The following STK31 variants were observed in gnomAD, a reference collection of about 807,000 sequenced individuals.
The protein encoded by STK31 is serine/threonine-protein kinase 31.
In STK31, 89 loss-of-function variants were observed where a neutral mutation model predicts 129.7. The ratio of observed to expected loss-of-function variants is 0.69; its 90% CI spans 0.58 to 0.82. STK31 has a LOEUF of 0.82. Among genes scored for constraint, STK31 ranks in the 40% least tolerant of loss-of-function variants. The pLI, the probability that STK31 is intolerant of heterozygous loss-of-function variation, is 0.00. For missense variants in STK31, 1,187 were observed against 1,176.4 expected (o/e 1.01, Z -0.13); for synonymous variants, 448 against 395.3 (o/e 1.13, Z -1.58).
intron 15 of STK31, among the ~76,000 whole-genome samples, chr7:23,772,540 T>A (rs2128104458): frequency 6.6e-6 from 1 of 152,306 alleles, no homozygotes; most frequent in South Asian, 2.1e-4. Context: ...CATGAACATT[T>A]TAGAATAATT....
intron 23 of STK31, among the ~76,000 whole-genome samples, chr7:23,815,821 TA>T (rs1793436011): frequency 6.6e-6 from 1 of 151,858 alleles, no homozygotes; most frequent in African/African-American, 2.4e-5. Context: ...ATGAAGCCCC[TA>T]AAAAAAGTAC....
chr7:23,788,033 G>A lies in STK31; in HGVS notation c.2541G>A (p.Lys847=), dbSNP rs1046157057. 1.9e-6 allele frequency: 3 copies of A among 1,611,370 alleles called. No individual in the cohort carries two copies. The highest frequency in any genetic ancestry group is 1.3e-5 in the African/African-American group (1 of 74,766). ...CCCAGGGTCTGCATACATTGCATAA[G>A]GCTGACATAATTCATGGATCACTTC... is the stretch of plus-strand genomic sequence containing the variant. ...GVAQGLHTLH[K]ADIIHGSLHQ... is the part of the protein sequence containing the mutation. Residue 847 remains lysine, a synonymous_variant, in exon 21 of 24, where the codon AAG becomes AAA. Transcript: ENST00000355870.
chr7:23,815,920 G>A (rs779394891), intron 23 of STK31, among the ~76,000 whole-genome samples: 1 of 152,114 alleles, frequency 6.6e-6, no homozygotes, highest in Non-Finnish European at 1.5e-5. Context: ...CAGTAAATGA[G>A]TCTATAAGAG....
intron 23 of STK31, among the ~76,000 whole-genome samples, chr7:23,830,896 A>G (rs575214857): frequency 2.6e-4 from 40 of 152,188 alleles, no homozygotes; most frequent in Non-Finnish European, 5.1e-4. Flanking sequence ...CTGGGATTAT[A>G]GGCATGAGCC....
At chr7:23,798,592 A>C (rs1478005723) in intron 22 of STK31, among the ~76,000 whole-genome samples, 3 of 152,166 alleles carry the variant, frequency 2.0e-5, no homozygotes, top group Non-Finnish European at 4.4e-5. Flanking sequence ...GTATTGATGG[A>C]ATGTATTTCA....
chr7:23,733,765 C>T lies in STK31; in HGVS notation c.484-1773C>T, dbSNP rs1038684885. ...TGGAGCTTGCAGTGAGCCGAGATAG[C>T]GCCACTGCACTCCCACCTGGGCGAC... is the stretch of plus-strand genomic sequence containing the variant. On this transcript the variant is annotated intron_variant, in intron 6 of 23. Transcript: ENST00000355870. Among the ~76,000 whole-genome samples the T allele has an allele frequency of 6.6e-5, 10 of 151,682 alleles. No individual in the cohort carries two copies. In the South Asian group the frequency reaches 8.3e-4, roughly 13 times the overall value.
intron 22 of STK31, among the ~76,000 whole-genome samples, chr7:23,791,632 CA>C (rs1562606110): frequency 6.6e-6 from 1 of 152,126 alleles, no homozygotes; most frequent in East Asian, 1.9e-4. Flanking sequence ...AGTTGGAAGA[CA>C]AAAAAATAAA....
At chr7:23,750,179 A>ATGGGGGCCCCCATGAC (rs1273515769) in intron 8 of STK31, among the ~76,000 whole-genome samples, 36 of 151,240 alleles carry the variant, frequency 2.4e-4, no homozygotes, top group African/African-American at 8.5e-4. Flanking sequence ...TCACAAAAGC[A>ATGGGGGCCCCCATGAC]TGGGGGCCCC....
chr7:23,756,120 A>G (rs560038305), intron 10 of STK31, among the ~76,000 whole-genome samples: 7 of 152,304 alleles, frequency 4.6e-5, no homozygotes, highest in African/African-American at 1.4e-4. Context: ...GAGTCTTCCT[A>G]TCCATGAGGA....
chr7:23,737,441 A>G (rs1787783906), intron 8 of STK31, among the ~76,000 whole-genome samples: 1 of 152,182 alleles, frequency 6.6e-6, no homozygotes, highest in Non-Finnish European at 1.5e-5. Flanking sequence ...AAAAATTTAC[A>G]CTTCCTGGAT....
intron 10 of STK31, among the ~76,000 whole-genome samples, chr7:23,757,432 G>A (rs1012588497): frequency 1.2e-4 from 18 of 152,248 alleles, no homozygotes; most frequent in Middle Eastern, 3.4e-3. Context: ...GGATGTGGCA[G>A]GACAATAGGG....
chr7:23,721,234 C>G (rs1221665625), intron 4 of STK31: 1 of 448,682 alleles, frequency 2.2e-6, no homozygotes, highest in Non-Finnish European at 4.0e-6. Flanking sequence ...AATTCTCTCT[C>G]TTAACTCCTA....
intron 11 of STK31, among the ~76,000 whole-genome samples, 164 bp from the exon 12 acceptor site, chr7:23,768,831 A>G (rs925530783): frequency 6.6e-6 from 1 of 152,188 alleles, no homozygotes; most frequent in African/African-American, 2.4e-5. Flanking sequence ...CCTTCTAGGT[A>G]GTTTTGTGTT....
At chr7:23,768,081 T>TA in intron 11 of STK31, among the ~76,000 whole-genome samples, 1 of 152,198 alleles carries the variant, frequency 6.6e-6, no homozygotes, top group Admixed American at 6.5e-5. Flanking sequence ...GCCAATTCAT[T>TA]AAAAAAATGC....
intron 23 of STK31, among the ~76,000 whole-genome samples, chr7:23,817,255 A>G (rs1188734474): frequency 6.6e-6 from 1 of 152,178 alleles, no homozygotes; most frequent in Non-Finnish European, 1.5e-5. Flanking sequence ...CTAGGCATGC[A>G]GCTAGGTATA....
In STK31 at chr7:23,754,468, A is replaced by C. The variant is rs761536164; in HGVS notation, c.1287A>C (p.Glu429Asp). Residue 429 changes from glutamate to aspartate, a missense_variant, in exon 10 of 24, where the codon GAA (glutamate) becomes GAC (aspartate). By Grantham distance (45) the Glu-to-Asp change is conservative (BLOSUM62 2). Transcript: ENST00000355870. ...CTCAGGAGAATATTAAAACTTGTGA[A>C]TATGTGGTGAGTTGGGAATTTTTCT... ...SLAQENIKTC[E>D]YVSEGNILIA... The C allele has an allele frequency of 7.2e-5, 116 of 1,608,580 alleles. No homozygotes were observed. The highest frequency in any genetic ancestry group is 9.5e-5 in the Non-Finnish European group (112 of 1,178,764).
chr7:23,786,275 A>G (rs1229377983), intron 18 of STK31, among the ~76,000 whole-genome samples: 1 of 152,102 alleles, frequency 6.6e-6, no homozygotes, highest in Non-Finnish European at 1.5e-5. Context: ...AAGATAATTA[A>G]TTTGGCCTTA....
intron 22 of STK31, among the ~76,000 whole-genome samples, chr7:23,809,070 G>C (rs188799306): frequency 6.6e-6 from 1 of 151,680 alleles, no homozygotes; most frequent in Non-Finnish European, 1.5e-5. Flanking sequence ...CCATTATATT[G>C]TTCCTCAAGT....
chr7:23,744,059 A>G (rs1788208609), intron 8 of STK31, among the ~76,000 whole-genome samples: 1 of 151,956 alleles, frequency 6.6e-6, no homozygotes, highest in Non-Finnish European at 1.5e-5. Flanking sequence ...AGCTGGGACT[A>G]CAGGTGCATG....
Sources: allele counts gnomAD v4.1 joint callset (sites outside exome capture counted in the v4.1 genomes callset), GRCh38; gene constraint gnomAD v4.1.1; transcripts MANE v1.5; gene names NCBI Gene and HGNC (gene_info 2026-07-23, HGNC 2026-07-21).